MTRR: variants seen among roughly 807,000 people sequenced by gnomAD.
MTRR encodes methionine synthase reductase.
A neutral mutation model predicts 79.2 loss-of-function variants in MTRR; 63 were observed. That is an observed-to-expected ratio of 0.80 (90% CI 0.65 to 0.98). The LOEUF is 0.98. MTRR is among the 50% of genes least tolerant of loss of function. MTRR has a pLI of 0.00. For synonymous variants in MTRR, 355 were observed against 313.3 expected, an observed-to-expected ratio of 1.13 and a Z score of -1.41; for missense variants, 895 against 839.6, an observed-to-expected ratio of 1.07 and a Z score of -0.82.
At chr5:7,858,628 G>C (rs1206687318) in intron 1 of MTRR, among the ~76,000 whole-genome samples, 2 of 152,124 alleles carry the variant, frequency 1.3e-5, no homozygotes, top group African/African-American at 4.8e-5. Flanking sequence ...TGCACTGTGT[G>C]CTTACTCTGT....
upstream of MTRR, chr5:7,866,755 A>T: frequency 6.2e-7 from 1 of 1,614,130 alleles, no homozygotes; most frequent in Non-Finnish European, 8.5e-7. Context: ...ATTTGGGTGG[A>T]AAATAATTGA....
intron 14 of MTRR, among the ~76,000 whole-genome samples, chr5:7,899,544 C>T (rs1739132446): frequency 6.6e-6 from 1 of 152,132 alleles, no homozygotes; most frequent in African/African-American, 2.4e-5. Flanking sequence ...TTCAGGAGCA[C>T]GAGTCTACTG....
chr5:7,854,499 T>C (rs1481005600), intron 1 of MTRR, among the ~76,000 whole-genome samples: 5 of 151,994 alleles, frequency 3.3e-5, no homozygotes, highest in Non-Finnish European at 7.4e-5. Flanking sequence ...GGACTTAGAG[T>C]TCCACATGGC....
intron 1 of MTRR, among the ~76,000 whole-genome samples, chr5:7,854,745 A>G (rs1746188744): frequency 2.0e-5 from 3 of 152,178 alleles, no homozygotes; most frequent in Admixed American, 2.0e-4. Flanking sequence ...CGTAGAGCCA[A>G]ACCATATCAG....
At chr5:7,897,004 T>A in intron 13 of MTRR, 48 bp downstream of exon 13, 1 of 1,612,302 alleles carries the variant, frequency 6.2e-7, no homozygotes, top group Non-Finnish European at 8.5e-7. Flanking sequence ...TGTACAATTC[T>A]AATTCTCAGA....
At chr5:7,891,468 T>G (rs1176896397) in intron 10 of MTRR, 54 bp downstream of exon 10, 2 of 1,330,952 alleles carry the variant, frequency 1.5e-6, no homozygotes, top group Non-Finnish European at 2.1e-6. Flanking sequence ...AATCTTAGAC[T>G]CAGGCTTCCA....
At chr5:7,881,785 A>G (rs1561205596) in intron 5 of MTRR, among the ~76,000 whole-genome samples, 1 of 152,030 alleles carries the variant, frequency 6.6e-6, no homozygotes, top group Non-Finnish European at 1.5e-5. Context: ...GAATTTTAGC[A>G]GTAGCCCCCC....
chr5:7,891,489 G>A, intron 10 of MTRR, 75 bp downstream of exon 10: 1 of 1,262,090 alleles, frequency 7.9e-7, no homozygotes, highest in Non-Finnish European at 1.2e-6. Flanking sequence ...GATCATTAGA[G>A]TTTACTAATT....
intron 6 of MTRR, among the ~76,000 whole-genome samples, chr5:7,884,305 C>T (rs535673692): frequency 2.6e-4 from 40 of 152,276 alleles, no homozygotes; most frequent in Non-Finnish European, 5.3e-4. Context: ...CCCTTAGTAT[C>T]TTCGAAGGAT....
intron 5 of MTRR, among the ~76,000 whole-genome samples, chr5:7,882,804 T>A (rs772564890): frequency 6.6e-6 from 1 of 152,238 alleles, no homozygotes; most frequent in African/African-American, 2.4e-5. Flanking sequence ...TTCTTAAACA[T>A]CTGTCACATT....
chr5:7,878,548 G>A (rs1734970436), intron 5 of MTRR, among the ~76,000 whole-genome samples: 2 of 152,250 alleles, frequency 1.3e-5, no homozygotes. Context: ...AGAGTTAGTG[G>A]TTACCACAGG....
chr5:7,867,139 A>T, upstream of MTRR: 1 of 1,614,184 alleles, frequency 6.2e-7, no homozygotes, highest in Non-Finnish European at 8.5e-7. Flanking sequence ...CCAATTTTAT[A>T]ATCAGAGGAA....
rs2126813814 is a variant in MTRR, at chr5:7,897,058, A to G, written c.1770-7A>G. The G allele has an allele frequency of 1.2e-6, 2 of 1,613,854 alleles. No individual in the cohort carries two copies. Among genetic ancestry groups the G allele is most frequent in the South Asian group, 2.2e-5 (2 of 91,078 alleles). ...CTTTTAGTGATCCATTATATATTAT[A>G]TTTCAGAAAAGAGCTCAGACATTTC... On this transcript the variant is annotated splice_polypyrimidine_tract_variant and splice_region_variant and intron_variant, in intron 13 of 14. Coordinates refer to ENST00000440940, the MANE Select transcript of MTRR (RefSeq NM_002454.3).
chr5:7,862,574 G>A (rs1746629738), intron 2 of MTRR, among the ~76,000 whole-genome samples: 2 of 151,962 alleles, frequency 1.3e-5, no homozygotes, highest in Non-Finnish European at 1.5e-5. Context: ...ATTTTACAGA[G>A]GAAGAAGCAA....
Position 7,899,991 on chromosome 5 carries a change from T to G in MTRR, c.2030T>G (p.Leu677Arg). The G allele has an allele frequency of 6.2e-7, 1 of 1,614,072 alleles. No individual in the cohort carries two copies. Among genetic ancestry groups the G allele is most frequent in the Non-Finnish European group, 8.5e-7 (1 of 1,179,982 alleles). Residue 677 changes from leucine to arginine, a missense_variant, in exon 15 of 15, where the codon CTA (leucine) becomes CGA (arginine). By Grantham distance (102) the Leu-to-Arg change is moderately radical. Transcript: ENST00000440940. ...IISKEVGVEK[L>R]EAMKTLATLK... Reference sequence around the variant, plus strand: ...AGCAAAGAGGTTGGAGTTGAAAAACTAGAAGCAATGAAAACCCTGGCCACT... The same window carrying G: ...AGCAAAGAGGTTGGAGTTGAAAAACGAGAAGCAATGAAAACCCTGGCCACT...
intron 2 of MTRR, chr5:7,872,171 A>G (rs1579607787): frequency 2.3e-6 from 1 of 427,396 alleles, no homozygotes; most frequent in South Asian, 1.7e-5. Context: ...CAACTTACAT[A>G]GAGTCTTGGA....
chr5:7,863,745 C>T lies in MTRR; in HGVS notation n.498+1688C>T, dbSNP rs138993878. Among the ~76,000 whole-genome samples, 332 of 152,288 alleles carry T rather than the reference C, an allele frequency of 2.2e-3. 2 individuals are homozygous for T. Among genetic ancestry groups the T allele is most frequent in the Non-Finnish European group, 2.8e-3 (193 of 68,026 alleles). ...TAAATTAAACTTCTGTCATCCATGA[C>T]AGATGCTAATAAATTCCAGGTGTAC... On this transcript the variant is annotated intron_variant and non_coding_transcript_variant, in intron 2 of 3. Coordinates refer to the MTRR transcript ENST00000502509.
rs1734865571 is a variant in MTRR at position 7,878,007 on chromosome 5, G to A, written c.465G>A (p.Arg155=). The change falls in exon 5 of 15, where the codon AGG becomes AGA. Residue 155 remains arginine, a synonymous_variant. Coordinates refer to ENST00000440940, the MANE Select transcript of MTRR (RefSeq NM_002454.3). ...GGCCAGCCCTCAGAAAGCATTTTAG[G>A]TCAAGCAGAGGACAAGAGGAGATAA... is the stretch of plus-strand genomic sequence containing the variant. The part of the protein sequence containing the change: ...GLWPALRKHF[R]SSRGQEEISG... The A allele has an allele frequency of 2.5e-6, 4 of 1,613,512 alleles. No homozygotes were observed. Among genetic ancestry groups the A allele is most frequent in the South Asian group, 1.1e-5 (1 of 91,050 alleles).
rs114514595 is a variant in MTRR, at chr5:7,885,876, C to T, written c.1057+22C>T. ...AAAGGTAACAGCCCTGATGCTGTGACGTTGGGGTGTTGTGGGCCAGTGGAC... is the reference window on the plus strand; with the variant it reads ...AAAGGTAACAGCCCTGATGCTGTGATGTTGGGGTGTTGTGGGCCAGTGGAC... On this transcript the variant is annotated intron_variant, in intron 7 of 14. Coordinates refer to ENST00000440940, the MANE Select transcript of MTRR (RefSeq NM_002454.3). The T allele has an allele frequency of 1.0e-3, 1,612 of 1,613,872 alleles. 7 individuals are homozygous for T. The African/African-American group carries it at 0.013, about 13-fold the overall frequency.
Sources: allele counts gnomAD v4.1 joint callset (sites outside exome capture counted in the v4.1 genomes callset), GRCh38; gene constraint gnomAD v4.1.1; transcripts MANE v1.5; gene names NCBI Gene and HGNC (gene_info 2026-07-23, HGNC 2026-07-21).